AKT2: variants seen among roughly 807,000 people sequenced by gnomAD.
AKT2 encodes AKT serine/threonine kinase 2, also known as RAC-beta serine/threonine-protein kinase.
In AKT2, 16 loss-of-function variants were observed where a neutral mutation model predicts 58.6. The ratio of observed to expected loss-of-function variants is 0.27; its 90% CI spans 0.18 to 0.41. The LOEUF (loss-of-function observed/expected upper bound fraction) is 0.41, where lower values mean the gene tolerates loss of function less well. Ranked by LOEUF, AKT2 falls within the 10% of genes least tolerant of loss-of-function variation. The probability of loss-of-function intolerance (pLI) is 1.00; values close to 1 mark genes in which losing one functional copy is unlikely to be tolerated. For missense variants in AKT2, 438 were observed against 661.0 expected, an observed-to-expected ratio of 0.66 and a Z score of 3.70; for synonymous variants, 253 against 254.0, an observed-to-expected ratio of 1.00 and a Z score of 0.04.
In AKT2 at chr19:40,234,922, G is replaced by C. The variant is rs1287733040; in HGVS notation, c.1366+123C>G. 2 of 939,122 alleles carry C rather than the reference G, an allele frequency of 2.1e-6. No homozygotes were observed. The highest frequency in any genetic ancestry group is 3.4e-6 in the Non-Finnish European group (2 of 590,644). 58.2% of individuals were successfully genotyped at this position (939,122 alleles called of 1,614,324 possible). ...GCAAAAGGGCCTGAGAGCAGACTTG[G>C]GGAAATCTCCCAGACATGAAGCGGG... On this transcript the variant is annotated intron_variant, in intron 13 of 13. Coordinates refer to ENST00000392038, the MANE Select transcript of AKT2 (RefSeq NM_001626.6). This position sits in a 1 kb window ranked among gnomAD's most constrained non-coding sequence, Gnocchi z 4.7.
chr19:40,266,390 G>A (rs978256365), intron 1 of AKT2: 3 of 152,306 alleles, frequency 2.0e-5, no homozygotes, highest in African/African-American at 4.8e-5. Context: ...GGCCGGACAC[G>A]CTACTGCCTG....
intron 2 of AKT2, 144 bp downstream of exon 2, chr19:40,265,078 G>C: frequency 8.2e-7 from 1 of 1,225,552 alleles, no homozygotes; most frequent in East Asian, 2.5e-5. Flanking sequence ...CACGAAATGG[G>C]GGCATAAGCA....
At chr19:40,258,472 T>A (rs1975712244) in intron 2 of AKT2, among the ~76,000 whole-genome samples, 2 of 151,944 alleles carry the variant, frequency 1.3e-5, no homozygotes, top group Non-Finnish European at 2.9e-5. Context: ...GAGACGAGCC[T>A]GGGCAACATA....
intron 1 of AKT2, chr19:40,282,323 T>A: frequency 2.7e-6 from 1 of 374,754 alleles, no homozygotes; most frequent in South Asian, 1.9e-5. Context: ...GAGTGAACAG[T>A]GTGGTCCAAG....
intron 4 of AKT2, among the ~76,000 whole-genome samples, chr19:40,251,774 C>T (rs1975172954): frequency 1.3e-5 from 2 of 152,182 alleles, no homozygotes; most frequent in Admixed American, 6.5e-5. Context: ...TTATAATCAT[C>T]TCAGGCGTGA....
At chr19:40,239,734 C>A (rs1353020453) in intron 7 of AKT2, 1 of 553,154 alleles carries the variant, frequency 1.8e-6, no homozygotes, top group South Asian at 1.8e-5. Flanking sequence ...AATGTTTCCA[C>A]TTCAACCAGC....
At chr19:40,281,590 A>C (rs2077425270) in intron 1 of AKT2, among the ~76,000 whole-genome samples, 1 of 152,054 alleles carries the variant, frequency 6.6e-6, no homozygotes, top group South Asian at 2.1e-4. Context: ...TGCGTGGAAG[A>C]GGAGTGGGCC....
At chr19:40,280,302 C>A (rs995048899) in intron 1 of AKT2, among the ~76,000 whole-genome samples, 19 of 152,304 alleles carry the variant, frequency 1.2e-4, no homozygotes, top group African/African-American at 4.6e-4. Flanking sequence ...ATGAGCCTCC[C>A]CTCCTCTTTC....
chr19:40,252,541 T>C (rs1430005828), intron 4 of AKT2, among the ~76,000 whole-genome samples: 1 of 152,162 alleles, frequency 6.6e-6, no homozygotes, highest in Non-Finnish European at 1.5e-5. Flanking sequence ...TTCCCCTGCA[T>C]CGTGTAACTA....
chr19:40,280,053 C>G (rs1260251983), intron 1 of AKT2, among the ~76,000 whole-genome samples: 7 of 152,180 alleles, frequency 4.6e-5, no homozygotes, highest in African/African-American at 1.7e-4. Context: ...ATTTTGCCTT[C>G]GTAATATCAA....
chr19:40,252,807 T>A (rs1247566528), intron 4 of AKT2, among the ~76,000 whole-genome samples: 1 of 152,186 alleles, frequency 6.6e-6, no homozygotes, highest in South Asian at 2.1e-4. Flanking sequence ...CCAAATCCTA[T>A]CCAGTCTTCA....
chr19:40,240,414 G>A lies in AKT2; in HGVS notation c.574-304C>T, dbSNP rs1169716298. 4.4e-5 allele frequency: 26 copies of A among 584,282 alleles called. No homozygotes were observed. The East Asian group carries it at 9.6e-4, about 22-fold the overall frequency. The allele number at this position is 584,282 out of a possible 1,614,324, so 36.2% of individuals were successfully genotyped here. A position where few individuals can be genotyped will look rare whatever the true frequency, so the allele number is the denominator to read the frequency against. ...AGGGAGACAAACAGACATCACGAGA[G>A]CCCCGAGGTGCCACCACAGGCTGTG... On this transcript the variant is annotated intron_variant, in intron 6 of 13. Coordinates refer to ENST00000392038, the MANE Select transcript of AKT2 (RefSeq NM_001626.6).
Position 40,276,345 on chromosome 19 carries a change from C to CTTTTTTT in AKT2, c.-85+8829_-85+8835dup, listed in dbSNP as rs748551877. Among the ~76,000 whole-genome samples the CTTTTTTT allele has an allele frequency of 6.8e-5, 4 of 58,456 alleles. 1 individual carries two copies. The highest frequency in any genetic ancestry group is 2.3e-4 in the African/African-American group (4 of 17,026). The allele number at this position is 58,456 out of a possible 152,430, so 38.3% of individuals were successfully genotyped here. A position where few individuals can be genotyped will look rare whatever the true frequency, so the allele number is the denominator to read the frequency against. ...AGCTTCCGCATCTGTAAAATGGAAT[C>CTTTTTTT]TTTTTTTTTTTTTTTTTTTTTTTTT... On this transcript the variant is annotated intron_variant, in intron 1 of 13. Coordinates refer to ENST00000392038, the MANE Select transcript of AKT2 (RefSeq NM_001626.6).
In AKT2 at chr19:40,232,129, C is replaced by T. The variant is rs1206626695; in HGVS notation, c.*1743G>A. 3.9e-5 allele frequency: 9 copies of T among 233,702 alleles called. No individual in the cohort carries two copies. The Admixed American group carries it at 4.5e-4, about 12-fold the overall frequency. 14.5% of individuals were successfully genotyped at this position (233,702 alleles called of 1,614,324 possible). A position where few individuals can be genotyped will look rare whatever the true frequency, so the allele number is the denominator to read the frequency against. On this transcript the variant is annotated 3_prime_UTR_variant, in exon 14 of 14. Transcript: ENST00000392038. The stretch of plus-strand genomic sequence containing the variant: ...CCCACATGCGGGGAGCCTTCCCATA[C>T]CCCTCAGCCCCACAGCACCAGCTCC...
At chr19:40,277,106 C>T (rs1467517755) in intron 1 of AKT2, among the ~76,000 whole-genome samples, 2 of 152,116 alleles carry the variant, frequency 1.3e-5, no homozygotes, top group Non-Finnish European at 2.9e-5. Context: ...GCTTCACACA[C>T]AGCTGGGGAC....
rs1974506070 is a variant in AKT2 at position 40,243,000 on chromosome 19, A to T, written c.288-313T>A. ...CGTCTCTACTAAAAATACAAAAATT[A>T]GTCAGGGGTGGCATTCGCCTAATCC... On this transcript the variant is annotated intron_variant, in intron 4 of 13. Coordinates refer to ENST00000392038, the MANE Select transcript of AKT2 (RefSeq NM_001626.6). This position sits in a 1 kb window ranked among gnomAD's most constrained non-coding sequence, Gnocchi z 4.3. The T allele has an allele frequency of 2.8e-6, 1 of 361,244 alleles. No individual in the cohort carries two copies. Among genetic ancestry groups the T allele is most frequent in the East Asian group, 6.5e-5 (1 of 15,286 alleles). The allele number at this position is 361,244 out of a possible 1,614,324, so 22.4% of individuals were successfully genotyped here.
intron 1 of AKT2, among the ~76,000 whole-genome samples, chr19:40,271,094 C>T (rs1042714918): frequency 1.3e-5 from 2 of 150,544 alleles, no homozygotes; most frequent in African/African-American, 2.5e-5. Flanking sequence ...AATCTCAGCA[C>T]TTTGGGAAGC....
At chr19:40,255,632 A>G (rs1186826084) in intron 3 of AKT2, among the ~76,000 whole-genome samples, 1 of 152,200 alleles carries the variant, frequency 6.6e-6, no homozygotes, top group African/African-American at 2.4e-5. Context: ...CTTAGAGGGT[A>G]CACGGAGAAC....
At position 40,233,571 on chromosome 19, in the gene AKT2, A is replaced by G. The variant is rs1268603533; in HGVS notation, c.*301T>C. 7 of 683,826 alleles carry G rather than the reference A, an allele frequency of 1.0e-5. No individual in the cohort carries two copies. The highest frequency in any genetic ancestry group is 1.9e-5 in the Non-Finnish European group (7 of 364,600). 42.4% of individuals were successfully genotyped at this position (683,826 alleles called of 1,614,324 possible). A position where few individuals can be genotyped will look rare whatever the true frequency, so the allele number is the denominator to read the frequency against. On this transcript the variant is annotated 3_prime_UTR_variant, in exon 14 of 14. Transcript: ENST00000392038. This position sits in a 1 kb window ranked among gnomAD's most constrained non-coding sequence, Gnocchi z 4.3. ...AGGCAGGCCCCAGGCGCCATGCTTC[A>G]CCCCTCACTGGGGCTTGTGTGGATT...
Sources: gnomAD v4.1 joint callset for allele counts (sites outside exome capture counted in the v4.1 genomes callset) on GRCh38, gnomAD v4.1.1 for gene constraint, Gnocchi (gnomAD v3.1) non-coding constraint, MANE v1.5 for transcripts, NCBI Gene and HGNC (gene_info 2026-07-23, HGNC 2026-07-21) for gene names.